The following DOCK5 variants were observed in gnomAD, a reference collection of about 807,000 sequenced individuals.
The protein encoded by DOCK5 is dedicator of cytokinesis protein 5.
A neutral mutation model predicts 251.8 loss-of-function variants in DOCK5; 142 were observed. The observed-to-expected ratio is 0.56, with a 90% confidence interval of 0.49 to 0.65. The LOEUF is 0.65. Among genes scored for constraint, DOCK5 ranks in the 30% least tolerant of loss-of-function variants. DOCK5 has a pLI of 0.00. For missense variants in DOCK5, 2,111 were observed against 2,312.3 expected, an observed-to-expected ratio of 0.91 and a Z score of 1.79; for synonymous variants, 842 against 835.5, an observed-to-expected ratio of 1.01 and a Z score of -0.13.
Position 25,345,521 on chromosome 8 carries a change from C to T in DOCK5, c.2664C>T (p.Gly888=), listed in dbSNP as rs200110430. The T allele has an allele frequency of 1.2e-4, 186 of 1,613,752 alleles. No homozygotes were observed. The highest frequency in any genetic ancestry group is 1.5e-4 in the Non-Finnish European group (177 of 1,179,880). The change falls in exon 26 of 52, where the codon GGC becomes GGT. Residue 888 remains glycine (G), a synonymous_variant. Coordinates refer to ENST00000276440, the MANE Select transcript of DOCK5 (RefSeq NM_024940.8). The stretch of plus-strand genomic sequence containing the variant: ...CACTGCTGACAGACCAGCTCAGCGG[C>T]CAGTTAGATGACAACTCCAACAAGC... The part of the protein sequence containing the change: ...LLPLLTDQLS[G]QLDDNSNKPD...
rs758236435 is a variant in DOCK5 at position 25,410,205 on chromosome 8, A to G, written c.5508+3A>G. 14 of 1,612,644 alleles carry G rather than the reference A, an allele frequency of 8.7e-6. No individual in the cohort carries two copies. In the East Asian group the frequency reaches 2.5e-4, roughly 28 times the overall value. Reference sequence around the variant, plus strand: ...GCAGCCAGAGGAACTCCACTGAGGTAGGGAAATCACAGCTGGCAACTGTGG... The same window carrying G: ...GCAGCCAGAGGAACTCCACTGAGGTGGGGAAATCACAGCTGGCAACTGTGG... On this transcript the variant is annotated splice_donor_region_variant and intron_variant, in intron 51 of 51. Transcript: ENST00000276440.
chr8:25,199,133 C>A (rs568343536), intron 1 of DOCK5, among the ~76,000 whole-genome samples: 2 of 152,202 alleles, frequency 1.3e-5, no homozygotes, highest in African/African-American at 4.8e-5. Flanking sequence ...AGTAATGTGG[C>A]ATTGTTACTA....
chr8:25,210,047 T>TATATAA (rs1563309199), intron 1 of DOCK5, among the ~76,000 whole-genome samples: 1 of 25,116 alleles, frequency 4.0e-5, no homozygotes, highest in African/African-American at 1.4e-4. Context: ...TGTGTGTGTG[T>TATATAA]GTGTGTGTGT....
chr8:25,207,553 A>C (rs1802030979), intron 1 of DOCK5, among the ~76,000 whole-genome samples: 1 of 152,204 alleles, frequency 6.6e-6, no homozygotes. Context: ...ATTATGCTAA[A>C]TCTACTCTGC....
At chr8:25,268,782 G>T in intron 2 of DOCK5, 63 bp from the exon 3 acceptor site, 2 of 1,393,986 alleles carry the variant, frequency 1.4e-6, no homozygotes, top group Non-Finnish European at 2.0e-6. Context: ...AGTATATATT[G>T]CTAATAACTT....
chr8:25,195,058 C>G (rs898078796), intron 1 of DOCK5, among the ~76,000 whole-genome samples: 1 of 151,846 alleles, frequency 6.6e-6, no homozygotes, highest in Non-Finnish European at 1.5e-5. Flanking sequence ...GTAGCTGGGA[C>G]TACAGGTGCG....
chr8:25,204,416 T>A (rs1801950498), intron 1 of DOCK5, among the ~76,000 whole-genome samples: 1 of 152,156 alleles, frequency 6.6e-6, no homozygotes, highest in South Asian at 2.1e-4. Flanking sequence ...TTAGCTTAGT[T>A]TTTCCATCTG....
intron 15 of DOCK5, 56 bp downstream of exon 15, chr8:25,319,732 A>C: frequency 7.6e-7 from 1 of 1,316,514 alleles, no homozygotes. Context: ...TTAGATTCCT[A>C]TCTTCTGTTT....
intron 7 of DOCK5, among the ~76,000 whole-genome samples, chr8:25,298,208 T>C (rs2117161516): frequency 6.6e-6 from 1 of 152,352 alleles, no homozygotes; most frequent in Non-Finnish European, 1.5e-5. Flanking sequence ...TAGTGTTTAC[T>C]TCTTTAGCAT....
chr8:25,274,603 G>A (rs1000037438), intron 3 of DOCK5, among the ~76,000 whole-genome samples: 8 of 152,198 alleles, frequency 5.3e-5, no homozygotes, highest in Non-Finnish European at 1.2e-4. Flanking sequence ...CAATACTGAT[G>A]TAGAACTGCC....
chr8:25,278,635 A>G lies in DOCK5; in HGVS notation c.291A>G (p.Glu97=). ...LVQELTSTLR[E]WAVIWRKLYV... ...AGGAGCTCACGTCCACTCTGCGAGA[A>G]TGGGCTGTCATCTGGCGAAAGCTCT... Residue 97 remains glutamate (E), a synonymous_variant, in exon 5 of 52, where the codon GAA becomes GAG. Coordinates refer to ENST00000276440, the MANE Select transcript of DOCK5 (RefSeq NM_024940.8). 1 of 1,613,948 alleles carries G rather than the reference A, an allele frequency of 6.2e-7. No individual in the cohort carries two copies. Among genetic ancestry groups the G allele is most frequent in the Non-Finnish European group, 8.5e-7 (1 of 1,179,874 alleles).
chr8:25,185,227 G>A (rs1801402410), intron 1 of DOCK5, among the ~76,000 whole-genome samples: 1 of 152,114 alleles, frequency 6.6e-6, no homozygotes, highest in Non-Finnish European at 1.5e-5. Flanking sequence ...TTCACACCAG[G>A]GAAATGTCAA....
In DOCK5 at chr8:25,384,899, C is replaced by G. The variant is rs1396686628; in HGVS notation, c.4131+2121C>G. Among the ~76,000 whole-genome samples, 3 of 152,132 alleles carry G rather than the reference C, an allele frequency of 2.0e-5. No individual in the cohort carries two copies. The East Asian group carries it at 5.8e-4, about 29-fold the overall frequency. On this transcript the variant is annotated intron_variant, in intron 40 of 51. Coordinates refer to ENST00000276440, the MANE Select transcript of DOCK5 (RefSeq NM_024940.8). The stretch of plus-strand genomic sequence containing the variant: ...AATGAGCCGAGATGGTGCCACTGCA[C>G]TCCAGCCTGGGCGACAGAGCCAGAC...
intron 27 of DOCK5, among the ~76,000 whole-genome samples, chr8:25,356,102 G>A (rs1256530059): frequency 6.6e-6 from 1 of 151,876 alleles, no homozygotes; most frequent in African/African-American, 2.4e-5. Context: ...GGGAGGCTGA[G>A]GCAGGGGGAA....
chr8:25,395,487 A>G, intron 44 of DOCK5, 56 bp from the exon 45 acceptor site: 1 of 1,553,814 alleles, frequency 6.4e-7, no homozygotes, highest in Non-Finnish European at 8.7e-7. Context: ...AACTTTTTTC[A>G]GTCTTTACTT....
chr8:25,389,296 C>T (rs1026021012), intron 41 of DOCK5, 64 bp downstream of exon 41: 1 of 1,571,800 alleles, frequency 6.4e-7, no homozygotes, highest in African/African-American at 1.4e-5. Flanking sequence ...CCAGCTAAGC[C>T]AGAGAACATA....
intron 37 of DOCK5, 84 bp from the exon 38 acceptor site, chr8:25,377,221 T>G: frequency 6.9e-7 from 1 of 1,457,142 alleles, no homozygotes; most frequent in South Asian, 1.4e-5. Context: ...AATCAATGAG[T>G]CAAATATATA....
At chr8:25,308,168 A>T (rs945904899) in intron 11 of DOCK5, among the ~76,000 whole-genome samples, 4 of 152,054 alleles carry the variant, frequency 2.6e-5, no homozygotes, top group Non-Finnish European at 5.9e-5. Flanking sequence ...TGGTTCTTTG[A>T]TCGCCCTTTA....
rs1805365965 is a variant in DOCK5, at chr8:25,319,636, A to G, written c.1502A>G (p.Tyr501Cys). 11 of 1,591,460 alleles carry G rather than the reference A, an allele frequency of 6.9e-6. No homozygotes were observed. The highest frequency in any genetic ancestry group is 4.5e-5 in the East Asian group (2 of 44,374). Residue 501 changes from tyrosine (Y) to cysteine (C), a missense_variant, in exon 15 of 52, where the codon TAT becomes TGT. Physicochemically the swap from Tyr to Cys is radical, Grantham distance 194. Coordinates refer to ENST00000276440, the MANE Select transcript of DOCK5 (RefSeq NM_024940.8). ...EGISEYKSVV[Y>C]YQVKQPCWYE... ...ATTTCAGAATACAAATCAGTAGTCT[A>G]TTACCAAGTCAAGCAGCCCTGTTGG...
Sources: gnomAD v4.1 joint callset for allele counts (sites outside exome capture counted in the v4.1 genomes callset) on GRCh38, gnomAD v4.1.1 for gene constraint, MANE v1.5 for transcripts, NCBI Gene and HGNC (gene_info 2026-07-23, HGNC 2026-07-21) for gene names.